Variants in UNC13B observed in about 807,000 individuals in gnomAD.
The protein encoded by UNC13B is unc-13 homolog B.
UNC13B carries 144 observed loss-of-function variants against 211.0 expected under a neutral mutation model. That is an observed-to-expected ratio of 0.68 (90% CI 0.60 to 0.78). The LOEUF is 0.78. Among genes scored for constraint, UNC13B ranks in the 30% least tolerant of loss-of-function variants. The pLI, the probability that UNC13B is intolerant of heterozygous loss-of-function variation, is 0.00. For missense variants in UNC13B, 1,777 were observed against 2,002.0 expected (o/e 0.89, Z 2.14); for synonymous variants, 709 against 725.8 (o/e 0.98, Z 0.37).
chr9:35,162,435 GGCAATCACTTA>G, intron 1 of UNC13B, 130 bp downstream of exon 1: 1 of 1,229,612 alleles, frequency 8.1e-7, no homozygotes, highest in Non-Finnish European at 1.1e-6. Context: ...CTATTATTTT[GGCAATCACTTA>G]ACAATCACTT....
At chr9:35,360,444 G>A (rs1833334519) in intron 11 of UNC13B, 1 of 152,176 alleles carries the variant, frequency 6.6e-6, no homozygotes, top group Admixed American at 6.5e-5. Flanking sequence ...AAATAAATGA[G>A]CTTACCCAAA....
At chr9:35,351,310 G>A (rs2132065626) in intron 11 of UNC13B, 1 of 1,213,376 alleles carries the variant, frequency 8.2e-7, no homozygotes, top group African/African-American at 1.6e-5. Flanking sequence ...GATAAATCAA[G>A]CCAGGATCCA....
rs1386216450 is a variant in UNC13B at position 35,403,247 on chromosome 9, G to T, written c.12565G>T (p.Val4189Phe). The change falls in exon 38 of 40, where the codon GTC (valine) becomes TTC (phenylalanine). Residue 4189 changes from valine (V) to phenylalanine (F), a missense_variant. Val to Phe is a conservative substitution (Grantham distance 50, BLOSUM62 -1). Coordinates refer to ENST00000635942, the MANE Select transcript of UNC13B (RefSeq NM_001371189.2). ...ACACCCTGGTACTGGGGAGCACAAG[G>T]TCACAGTGAAAGGTGAGTGATGGAC... The part of the protein sequence containing the change: ...FTHPGTGEHK[V>F]TVKVVAANDL... 2 of 1,614,150 alleles carry T rather than the reference G, an allele frequency of 1.2e-6. No individual in the cohort carries two copies. The highest frequency in any genetic ancestry group is 1.7e-6 in the Non-Finnish European group (2 of 1,180,020).
At chr9:35,396,689 C>T in intron 27 of UNC13B, 87 bp downstream of exon 27, 1 of 1,600,164 alleles carries the variant, frequency 6.2e-7, no homozygotes, top group Non-Finnish European at 8.5e-7. Context: ...GCAAGCCAGT[C>T]TCGGGGACTG....
intron 14 of UNC13B, 21 bp downstream of exon 14, chr9:35,375,222 C>T (rs200489461): frequency 5.4e-4 from 873 of 1,613,040 alleles, no homozygotes; most frequent in Non-Finnish European, 7.2e-4. Flanking sequence ...CAAGTGCTTT[C>T]GTAAGTCCAC....
intron 1 of UNC13B, among the ~76,000 whole-genome samples, chr9:35,214,176 C>T (rs980297457): frequency 6.6e-6 from 1 of 151,944 alleles, no homozygotes; most frequent in Non-Finnish European, 1.5e-5. Context: ...GCATATAATC[C>T]CAGCACTTTG....
intron 31 of UNC13B, 57 bp from the exon 32 acceptor site, chr9:35,398,497 C>A: frequency 6.5e-7 from 1 of 1,544,212 alleles, no homozygotes; most frequent in Non-Finnish European, 8.9e-7. Context: ...AGGGGTGTGG[C>A]AGGGTAGAAG....
intron 6 of UNC13B, among the ~76,000 whole-genome samples, chr9:35,248,723 G>C (rs957304389): frequency 6.6e-6 from 1 of 152,176 alleles, no homozygotes; most frequent in Admixed American, 6.5e-5. Context: ...CTGAGAGACA[G>C]TTTGTTATAA....
Position 35,295,683 on chromosome 9 carries a change from G to A in UNC13B, c.527-13G>A, listed in dbSNP as rs772886734. ...AAGCTGGGGTGCTTTGATTGAATGT[G>A]CTTATTCCATAGCTTTTGAAGACCC... is the stretch of plus-strand genomic sequence containing the variant. On this transcript the variant is annotated splice_polypyrimidine_tract_variant and intron_variant, in intron 7 of 39. Transcript: ENST00000635942. 6.2e-7 allele frequency: 1 copy of A among 1,612,396 alleles called. No individual in the cohort carries two copies. Among genetic ancestry groups the A allele is most frequent in the South Asian group, 1.1e-5 (1 of 91,032 alleles).
At chr9:35,396,720 G>A in intron 27 of UNC13B, 118 bp downstream of exon 27, 3 of 1,598,380 alleles carry the variant, frequency 1.9e-6, no homozygotes, top group Non-Finnish European at 2.6e-6. Context: ...TACCACCGTA[G>A]ACAAAGAAAA....
At chr9:35,330,492 G>A (rs989414037) in intron 11 of UNC13B, among the ~76,000 whole-genome samples, 7 of 152,188 alleles carry the variant, frequency 4.6e-5, no homozygotes, top group Admixed American at 2.0e-4. Flanking sequence ...TAACAGGGTT[G>A]CTAGGGTAAC....
intron 11 of UNC13B, among the ~76,000 whole-genome samples, chr9:35,339,521 C>T (rs1831860626): frequency 6.6e-6 from 1 of 152,222 alleles, no homozygotes. Flanking sequence ...AGGGGCCATG[C>T]TCTTTTACAA....
intron 20 of UNC13B, 29 bp downstream of exon 20, chr9:35,381,748 G>A (rs1834854668): frequency 6.2e-7 from 1 of 1,607,752 alleles, no homozygotes; most frequent in African/African-American, 1.3e-5. Flanking sequence ...ACCGGGAAGT[G>A]GCTACTAATC....
chr9:35,190,581 C>A (rs1320715840), intron 1 of UNC13B, among the ~76,000 whole-genome samples: 1 of 151,936 alleles, frequency 6.6e-6, no homozygotes, highest in African/African-American at 2.4e-5. Flanking sequence ...GTCTGTAGTG[C>A]CTCCTCTGTT....
At chr9:35,173,624 G>A (rs893881121) in intron 1 of UNC13B, among the ~76,000 whole-genome samples, 2 of 151,902 alleles carry the variant, frequency 1.3e-5, no homozygotes, top group Non-Finnish European at 1.5e-5. Flanking sequence ...GGGTTTCACC[G>A]TGTTGCCCAG....
In UNC13B at chr9:35,231,178, A is replaced by AG; in HGVS notation, c.112dup (p.Val38GlyfsTer4). On this transcript the variant is annotated frameshift_variant, in exon 3 of 40. Coordinates refer to ENST00000635942, the MANE Select transcript of UNC13B (RefSeq NM_001371189.2). LOFTEE classifies it high-confidence loss of function. Reference sequence around the variant, plus strand: ...AGAATGTGAAGAGCACAACTGTAGCAGTTCGTGGTGATCAGCCTTCCTGGG... The same window carrying AG: ...AGAATGTGAAGAGCACAACTGTAGCAGGTTCGTGGTGATCAGCCTTCCTGGG... 6.2e-7 allele frequency: 1 copy of AG among 1,613,648 alleles called. No individual in the cohort carries two copies. Among genetic ancestry groups the AG allele is most frequent in the Non-Finnish European group, 8.5e-7 (1 of 1,179,646 alleles).
intron 1 of UNC13B, among the ~76,000 whole-genome samples, chr9:35,184,528 C>G (rs991819192): frequency 6.6e-6 from 1 of 152,138 alleles, no homozygotes; most frequent in Non-Finnish European, 1.5e-5. Context: ...GTCAACAGGG[C>G]GAAACCCCGT....
At chr9:35,384,136 G>T (rs550818991) in intron 21 of UNC13B, 110 bp from the exon 22 acceptor site, 8 of 1,521,204 alleles carry the variant, frequency 5.3e-6, no homozygotes, top group Non-Finnish European at 7.1e-6. Flanking sequence ...CCAACCCAAT[G>T]CCTCCCGACT....
In UNC13B at chr9:35,295,736, T is replaced by C. The variant is rs200169058; in HGVS notation, c.567T>C (p.Ser189=). 6.2e-7 allele frequency: 1 copy of C among 1,613,798 alleles called. No individual in the cohort carries two copies. Among genetic ancestry groups the C allele is most frequent in the East Asian group, 2.2e-5 (1 of 44,884 alleles). The change falls in exon 8 of 40, where the codon AGT becomes AGC. Residue 189 remains serine, a synonymous_variant. Coordinates refer to ENST00000635942, the MANE Select transcript of UNC13B (RefSeq NM_001371189.2). The part of the protein sequence containing the change: ...DPDSAVDDRD[S]DYRSETSNSF... ...ATAGTGCCGTCGATGACCGAGATAG[T>C]GACTATCGCAGTGAGACCAGCAACA...
Sources: allele counts gnomAD v4.1 joint callset (sites outside exome capture counted in the v4.1 genomes callset), GRCh38; gene constraint gnomAD v4.1.1; transcripts MANE v1.5; gene names NCBI Gene and HGNC (gene_info 2026-07-23, HGNC 2026-07-21).